Variants in ITPR2 observed in about 807,000 individuals in gnomAD.
ITPR2 encodes inositol 1,4,5-trisphosphate-gated calcium channel ITPR2.
In ITPR2, 207 loss-of-function variants were observed where a neutral mutation model predicts 317.1. The observed-to-expected ratio is 0.65, with a 90% CI of 0.58 to 0.73. The LOEUF (loss-of-function observed/expected upper bound fraction) is 0.73. Among genes scored for constraint, ITPR2 ranks in the 30% least tolerant of loss-of-function variants. The probability of loss-of-function intolerance (pLI) is 0.00; values close to 1 mark genes in which losing one functional copy is unlikely to be tolerated. For synonymous variants in ITPR2, 1,156 were observed against 1,149.1 expected, an observed-to-expected ratio of 1.01 and a Z score of -0.12; for missense variants, 2,613 against 3,284.0, an observed-to-expected ratio of 0.80 and a Z score of 4.99.
intron 2 of ITPR2, among the ~76,000 whole-genome samples, chr12:26,781,241 T>C (rs1017550059): frequency 1.6e-4 from 24 of 152,086 alleles, no homozygotes; most frequent in Non-Finnish European, 3.2e-4. Flanking sequence ...GAATATAGAA[T>C]GGGTAGTAGA....
At chr12:26,425,242 T>C (rs1941022405) in intron 49 of ITPR2, among the ~76,000 whole-genome samples, 1 of 152,188 alleles carries the variant, frequency 6.6e-6, no homozygotes, top group African/African-American at 2.4e-5. Context: ...GCATCCAACC[T>C]AAAACATGTT....
intron 54 of ITPR2, among the ~76,000 whole-genome samples, chr12:26,397,652 C>A (rs1373207162): frequency 6.6e-6 from 1 of 152,144 alleles, no homozygotes; most frequent in Non-Finnish European, 1.5e-5. Context: ...GATACACCTA[C>A]AACTGTTGGA....
chr12:26,457,757 T>C (rs1462712630), intron 45 of ITPR2, among the ~76,000 whole-genome samples: 4 of 152,156 alleles, frequency 2.6e-5, no homozygotes, highest in Admixed American at 6.5e-5. Flanking sequence ...TTCAACTGCA[T>C]TATATCCTCC....
chr12:26,571,364 G>C (rs1435418084), intron 34 of ITPR2, among the ~76,000 whole-genome samples: 1 of 152,162 alleles, frequency 6.6e-6, no homozygotes, highest in Non-Finnish European at 1.5e-5. Context: ...CAAACTTCTG[G>C]AGCAATCAAG....
Position 26,577,830 on chromosome 12 carries a change from T to A in ITPR2, c.4630+883A>T, listed in dbSNP as rs183807954. Among the ~76,000 whole-genome samples, 140 of 152,356 alleles carry A rather than the reference T, an allele frequency of 9.2e-4. 1 individual carries two copies. The Middle Eastern group carries it at 0.014, about 15-fold the overall frequency. On this transcript the variant is annotated intron_variant, in intron 34 of 56. Coordinates refer to ENST00000381340, the MANE Select transcript of ITPR2 (RefSeq NM_002223.4). ...TTAAGTCATTTATTCATTTCTCACA[T>A]ATTTGTTGAGGTATGCTATAACCCT...
intron 56 of ITPR2, among the ~76,000 whole-genome samples, 187 bp downstream of exon 56, chr12:26,339,980 G>C (rs2048618): frequency 0.35 from 52,603 of 151,982 alleles, 10,987 homozygotes; most frequent in Non-Finnish European, 0.48. Context: ...GTGAGGCTCA[G>C]GGAGATGGGA....
At chr12:26,528,475 T>A (rs895268339) in intron 37 of ITPR2, among the ~76,000 whole-genome samples, 1 of 152,242 alleles carries the variant, frequency 6.6e-6, no homozygotes, top group African/African-American at 2.4e-5. Context: ...CTCATCTGTA[T>A]GAAAACCTGA....
intron 1 of ITPR2, chr12:26,801,036 A>G: frequency 5.2e-6 from 1 of 193,020 alleles, no homozygotes; most frequent in South Asian, 1.0e-4. Context: ...TCATCTTCAC[A>G]GGCTGACGAC....
intron 34 of ITPR2, among the ~76,000 whole-genome samples, chr12:26,576,510 A>G (rs1315944472): frequency 6.6e-6 from 1 of 152,170 alleles, no homozygotes; most frequent in Admixed American, 6.5e-5. Context: ...GGAGGAGCGC[A>G]GCGCAGTAAG....
intron 49 of ITPR2, among the ~76,000 whole-genome samples, chr12:26,420,889 T>C (rs911235456): frequency 6.6e-6 from 1 of 152,150 alleles, no homozygotes; most frequent in Non-Finnish European, 1.5e-5. Context: ...TTATTTAAAT[T>C]GTTTTGAATG....
At chr12:26,540,862 T>A (rs1944239584) in intron 37 of ITPR2, among the ~76,000 whole-genome samples, 1 of 152,056 alleles carries the variant, frequency 6.6e-6, no homozygotes, top group South Asian at 2.1e-4. Flanking sequence ...ACTTTAATGG[T>A]TGAAAGTATT....
chr12:26,577,002 T>C (rs1945293604), intron 34 of ITPR2, among the ~76,000 whole-genome samples: 1 of 152,264 alleles, frequency 6.6e-6, no homozygotes, highest in South Asian at 2.1e-4. Flanking sequence ...CTCTCTCTCT[T>C]TTCCTCTCTT....
chr12:26,365,030 T>C (rs529259007), intron 55 of ITPR2, among the ~76,000 whole-genome samples: 39 of 152,356 alleles, frequency 2.6e-4, no homozygotes, highest in African/African-American at 9.4e-4. Flanking sequence ...AGTTATCTGG[T>C]ATAATCAGGG....
chr12:26,441,773 T>C (rs1250647027), intron 46 of ITPR2, among the ~76,000 whole-genome samples: 10 of 152,154 alleles, frequency 6.6e-5, no homozygotes, highest in Non-Finnish European at 1.5e-4. Flanking sequence ...CACTCTCTCC[T>C]AGCATTCTCA....
chr12:26,603,034 T>C (rs1946038712), intron 26 of ITPR2, among the ~76,000 whole-genome samples: 1 of 152,144 alleles, frequency 6.6e-6, no homozygotes, highest in Admixed American at 6.5e-5. Context: ...GGCTTTATAT[T>C]GCCTATATGA....
intron 1 of ITPR2, among the ~76,000 whole-genome samples, chr12:26,798,240 C>T (rs1950489408): frequency 6.6e-6 from 1 of 152,114 alleles, no homozygotes; most frequent in Non-Finnish European, 1.5e-5. Context: ...GACTTCTCAT[C>T]CTTGACCAGC....
At position 26,682,005 on chromosome 12, in the gene ITPR2, T is replaced by A; in HGVS notation, c.1278A>T (p.Lys426Asn). 6.2e-7 allele frequency: 1 copy of A among 1,613,374 alleles called. No homozygotes were observed. ...KIGTCQTKED[K>N]EAFAIVSVPL... ...GAACAGACACGATTGCGAACGCTTC[T>A]TTATCTTCTTTGGTTTGGCAGGTTC... Residue 426 changes from lysine (K) to asparagine (N), a missense_variant, in exon 13 of 57, where the codon AAA (lysine) becomes AAT (asparagine). Coordinates refer to ENST00000381340, the MANE Select transcript of ITPR2 (RefSeq NM_002223.4).
chr12:26,832,908 G>A lies in ITPR2; in HGVS notation c.-127C>T. The A allele has an allele frequency of 4.1e-6, 3 of 724,200 alleles. No homozygotes were observed. Among genetic ancestry groups the A allele is most frequent in the Non-Finnish European group, 6.9e-6 (3 of 433,046 alleles). The allele number at this position is 724,200 out of a possible 1,614,324, so 44.9% of individuals were successfully genotyped here. A position where few individuals can be genotyped will look rare whatever the true frequency, so the allele number is the denominator to read the frequency against. On this transcript the variant is annotated 5_prime_UTR_variant, in exon 1 of 57. Transcript: ENST00000381340. ...TACAGCGGCCAAGAGCCGCGGCGGA[G>A]GGCACGGCCCGAGCCACTGAGCGTC...
Position 26,805,024 on chromosome 12 carries a change from C to G in ITPR2, c.93-14797G>C, listed in dbSNP as rs557103197. Among the ~76,000 whole-genome samples, 3 of 152,228 alleles carry G rather than the reference C, an allele frequency of 2.0e-5. No homozygotes were observed. The East Asian group carries it at 5.8e-4, about 29-fold the overall frequency. On this transcript the variant is annotated intron_variant, in intron 1 of 56. Coordinates refer to ENST00000381340, the MANE Select transcript of ITPR2 (RefSeq NM_002223.4). Reference sequence around the variant, plus strand: ...TGCTGGGAATGCAGGCGTGAACCACCGCACCAGGCCAGAGATCCCTAATTC... The same window carrying G: ...TGCTGGGAATGCAGGCGTGAACCACGGCACCAGGCCAGAGATCCCTAATTC...
Sources: allele counts gnomAD v4.1 joint callset (sites outside exome capture counted in the v4.1 genomes callset), GRCh38; gene constraint gnomAD v4.1.1; transcripts MANE v1.5; gene names NCBI Gene and HGNC (gene_info 2026-07-23, HGNC 2026-07-21).